Variants in SYNE1 observed in about 807,000 individuals in gnomAD.
SYNE1 encodes nesprin-1.
A neutral mutation model predicts 1,111.0 loss-of-function variants in SYNE1; 616 were observed. The observed-to-expected ratio is 0.55, with a 90% CI of 0.52 to 0.59. The LOEUF (loss-of-function observed/expected upper bound fraction) is 0.59, where lower values mean the gene tolerates loss of function less well. SYNE1 is among the 20% of genes least tolerant of loss of function. The pLI is 0.00. For synonymous variants in SYNE1, 3,855 were observed against 3,825.8 expected, an observed-to-expected ratio of 1.01 and a Z score of -0.28; for missense variants, 10,006 against 10,417.0, an observed-to-expected ratio of 0.96 and a Z score of 1.72.
chr6:152,343,910 G>A (rs2154017887), intron 74 of SYNE1, among the ~76,000 whole-genome samples, 171 bp downstream of exon 74: 1 of 152,250 alleles, frequency 6.6e-6, no homozygotes, highest in African/African-American at 2.4e-5. Flanking sequence ...TCAGTATCAT[G>A]TCCATCTTCT....
chr6:152,373,188 T>C lies in SYNE1; in HGVS notation c.9356A>G (p.His3119Arg), dbSNP rs369930567. The C allele has an allele frequency of 6.2e-7, 1 of 1,613,356 alleles. No individual in the cohort carries two copies. Among genetic ancestry groups the C allele is most frequent in the Non-Finnish European group, 8.5e-7 (1 of 1,179,952 alleles). The change falls in exon 59 of 146, where the codon CAC becomes CGC. Residue 3119 changes from histidine (H) to arginine (R), a missense_variant. By Grantham distance (29) the His-to-Arg change is conservative. Around this residue, in one of 7 missense-constraint regions of SYNE1, gnomAD observed 4,955 missense variants for 5,017.2 expected, o/e 0.99. Transcript: ENST00000367255. ...EFLSESENGQ[H>R]KLNMMLSKGE... The stretch of plus-strand genomic sequence containing the variant: ...TTTAGACAGCATCATGTTTAGCTTG[T>C]GCTGTCCATTTTCACTTTCTGACAA...
intron 69 of SYNE1, among the ~76,000 whole-genome samples, chr6:152,353,032 C>G (rs1166788321): frequency 6.6e-6 from 1 of 152,200 alleles, no homozygotes; most frequent in African/African-American, 2.4e-5. Context: ...TCAGTGAAGA[C>G]TTTCATGGGT....
intron 29 of SYNE1, among the ~76,000 whole-genome samples, chr6:152,445,980 G>A (rs907684166): frequency 2.6e-5 from 4 of 152,034 alleles, no homozygotes; most frequent in Admixed American, 2.0e-4. Flanking sequence ...ATGTCTGTAT[G>A]AACATTCATT....
intron 102 of SYNE1, 67 bp downstream of exon 102, chr6:152,256,567 G>A (rs1025774813): frequency 1.1e-5 from 17 of 1,602,204 alleles, no homozygotes; most frequent in Non-Finnish European, 1.3e-5. Flanking sequence ...CAGAGGCCAG[G>A]CAAATCAATA....
Position 152,310,865 on chromosome 6 carries a change from T to C in SYNE1, c.16719A>G (p.Leu5573=). ...REQYILHQTL[L]EESKEIDSEL... is the part of the protein sequence containing the mutation. ...CACTGTCAATTTCTTTGGATTCTTC[T>C]AGCAGGGTCTAGAGTGAATTGTCAA... Residue 5573 remains leucine, a synonymous_variant, in exon 88 of 146, where the codon CTA becomes CTG. Transcript: ENST00000367255. 3 of 1,613,634 alleles carry C rather than the reference T, an allele frequency of 1.9e-6. No individual in the cohort carries two copies. In the East Asian group the frequency reaches 6.7e-5, roughly 36 times the overall value.
At chr6:152,431,714 A>G (rs1192705685) in intron 34 of SYNE1, among the ~76,000 whole-genome samples, 2 of 152,204 alleles carry the variant, frequency 1.3e-5, no homozygotes, top group East Asian at 1.9e-4. Flanking sequence ...ACTTCTGTCT[A>G]GATGAGACAC....
Position 152,372,324 on chromosome 6 carries a change from TC to T in SYNE1, c.9507+712del, listed in dbSNP as rs571922437. Among the ~76,000 whole-genome samples, 382 of 152,342 alleles carry T rather than the reference TC, an allele frequency of 2.5e-3. 4 individuals carry two copies. Among genetic ancestry groups the T allele is most frequent in the African/African-American group, 8.4e-3 (351 of 41,574 alleles). On this transcript the variant is annotated intron_variant, in intron 59 of 145. Transcript: ENST00000367255. ...GAAATAATTGAGGAAATACACATTT[TC>T]TCTTACTGAATATTATTTCTCTATC...
In SYNE1 at chr6:152,488,421, TC is replaced by T. The variant is rs1358812081; in HGVS notation, c.1021del (p.Glu341AsnfsTer20). 1 of 1,606,406 alleles carries T rather than the reference TC, an allele frequency of 6.2e-7. No individual in the cohort carries two copies. The highest frequency in any genetic ancestry group is 1.3e-5 in the African/African-American group (1 of 74,874). On this transcript the variant is annotated frameshift_variant, in exon 12 of 146. Coordinates refer to ENST00000367255, the MANE Select transcript of SYNE1 (RefSeq NM_182961.4). LOFTEE classifies it high-confidence loss of function. The part of the protein sequence containing the change: ...ERDLTRAQMV[E>X]SNLQDKYQSF... ...CTGATATTTATCCTGTAAATTTGAT[TC>T]CACCATCTGTGCTCTTGTCAAATCT...
chr6:152,263,675 GGAGT>G (rs2092355167), intron 100 of SYNE1, among the ~76,000 whole-genome samples: 1 of 151,934 alleles, frequency 6.6e-6, no homozygotes, highest in African/African-American at 2.4e-5. Context: ...GTGGATTTCA[GGAGT>G]GAGCCACCAT....
intron 45 of SYNE1, among the ~76,000 whole-genome samples, chr6:152,405,228 T>A (rs2097879965): frequency 6.6e-6 from 1 of 152,224 alleles, no homozygotes; most frequent in African/African-American, 2.4e-5. Context: ...AAAGAACCCA[T>A]CTCTGTGAGT....
At chr6:152,158,930 AC>A (rs1405208534) in intron 131 of SYNE1, among the ~76,000 whole-genome samples, 1 of 152,220 alleles carries the variant, frequency 6.6e-6, no homozygotes, top group East Asian at 1.9e-4. Flanking sequence ...GTGCCCTAAG[AC>A]AAAGTTTTAG....
In SYNE1 at chr6:152,239,619, G is replaced by T. The variant is rs776059938; in HGVS notation, c.19981C>A (p.Gln6661Lys). ...TGAGCCATCAGCTCTGTATGGAACT[G>T]GGTTTCCTTTTGGACTGCAAAGCTG... is the stretch of plus-strand genomic sequence containing the variant. The part of the protein sequence containing the change: ...IISFAVQKET[Q>K]FHTELMAQAS... Residue 6661 changes from glutamine to lysine, a missense_variant, in exon 108 of 146, where the codon CAG becomes AAG. Around this residue, in one of 7 missense-constraint regions of SYNE1, gnomAD observed 2,182 missense variants for 2,287.8 expected, o/e 0.95. Coordinates refer to ENST00000367255, the MANE Select transcript of SYNE1 (RefSeq NM_182961.4). The T allele has an allele frequency of 2.8e-5, 45 of 1,614,058 alleles. No individual in the cohort carries two copies. Among genetic ancestry groups the T allele is most frequent in the Non-Finnish European group, 3.7e-5 (44 of 1,180,042 alleles).
At chr6:152,320,713 C>T (rs1387091617) in intron 84 of SYNE1, among the ~76,000 whole-genome samples, 2 of 152,198 alleles carry the variant, frequency 1.3e-5, no homozygotes, top group African/African-American at 4.8e-5. Context: ...TCTATTTACT[C>T]TTTTCCTTGG....
chr6:152,371,912 GGAAAGGAAAGGAC>G, intron 59 of SYNE1, among the ~76,000 whole-genome samples: 1 of 65,158 alleles, frequency 1.5e-5, no homozygotes, highest in Non-Finnish European at 4.0e-5. Context: ...GGAAAGGAAA[GGAAAGGAAAGGAC>G]AGGACAGGAC....
At chr6:152,257,361 C>T (rs552552424) in intron 101 of SYNE1, among the ~76,000 whole-genome samples, 4 of 152,156 alleles carry the variant, frequency 2.6e-5, no homozygotes, top group Admixed American at 6.5e-5. Flanking sequence ...GGTGAAACCC[C>T]GTCTCTACTA....
intron 106 of SYNE1, 26 bp from the exon 107 acceptor site, chr6:152,242,466 A>G (rs886877928): frequency 6.2e-7 from 1 of 1,612,476 alleles, no homozygotes; most frequent in Admixed American, 1.7e-5. Flanking sequence ...CACAAGACTC[A>G]CTCTCAATTC....
intron 93 of SYNE1, among the ~76,000 whole-genome samples, chr6:152,298,741 G>T (rs752075289): frequency 6.6e-6 from 1 of 152,018 alleles, no homozygotes. Flanking sequence ...GTGCATCACC[G>T]GTCATGGTGT....
intron 129 of SYNE1, 132 bp downstream of exon 129, chr6:152,180,004 A>C (rs1028328953): frequency 5.7e-6 from 6 of 1,048,824 alleles, no homozygotes; most frequent in Non-Finnish European, 8.4e-6. Flanking sequence ...TTATATTAAA[A>C]AGATAAAATG....
At position 152,399,804 on chromosome 6, in the gene SYNE1, T is replaced by C. The variant is rs1281489114; in HGVS notation, c.7049A>G (p.Gln2350Arg). The C allele has an allele frequency of 1.2e-6, 2 of 1,614,182 alleles. No homozygotes were observed. The highest frequency in any genetic ancestry group is 8.5e-7 in the Non-Finnish European group (1 of 1,180,000). ...AGAGCTGATGTTGCTTTGTTGACTT[T>C]GAAGTTCTTTTTGTATATCCTACAG... ...KKVKDIQKEL[Q>R]SQQSNISSTQ... Residue 2350 changes from glutamine to arginine, a missense_variant, in exon 48 of 146, where the codon CAA becomes CGA. By Grantham distance (43) the Gln-to-Arg change is conservative (BLOSUM62 1). This residue lies in a region of SYNE1 where 4,955 missense variants were observed against 5,017.2 expected (regional missense o/e 0.99). Transcript: ENST00000367255.
Sources: allele counts gnomAD v4.1 joint callset (sites outside exome capture counted in the v4.1 genomes callset), GRCh38; gene constraint gnomAD v4.1.1; regional missense constraint gnomAD v4.1.1; transcripts MANE v1.5; gene names NCBI Gene and HGNC (gene_info 2026-07-23, HGNC 2026-07-21).